The following PCDHGB2 variants were observed in gnomAD, a reference collection of about 807,000 sequenced individuals.
The protein encoded by PCDHGB2 is protocadherin gamma-B2.
PCDHGB2 carries 55 observed loss-of-function variants against 59.3 expected under a neutral mutation model. That is an observed-to-expected ratio of 0.93 (90% CI 0.75 to 1.16). The LOEUF (loss-of-function observed/expected upper bound fraction) is 1.16, where lower values mean the gene tolerates loss of function less well. Among genes scored for constraint, PCDHGB2 ranks in the 50% most tolerant of loss-of-function variants. The pLI is 0.00. For missense variants in PCDHGB2, 1,228 were observed against 1,198.5 expected (o/e 1.02, Z -0.36); for synonymous variants, 516 against 512.0 (o/e 1.01, Z -0.11).
chr5:141,385,870 A>G (rs2150302172), intron 1 of PCDHGB2: 1 of 153,178 alleles, frequency 6.5e-6, no homozygotes, highest in African/African-American at 2.4e-5. Flanking sequence ...AGAAGGTTGG[A>G]TTTATGCCTA....
At chr5:141,403,167 C>G (rs775617849) in intron 1 of PCDHGB2, 1 of 1,614,026 alleles carries the variant, frequency 6.2e-7, no homozygotes, top group Non-Finnish European at 8.5e-7. Flanking sequence ...AGAGGTAGGA[C>G]GCAGCTTTTC....
intron 1 of PCDHGB2, among the ~76,000 whole-genome samples, chr5:141,464,747 G>A (rs969116049): frequency 2.0e-5 from 3 of 151,812 alleles, no homozygotes; most frequent in Admixed American, 2.0e-4. Context: ...ATATCTTTTT[G>A]TTTTTTTAGA....
At chr5:141,428,070 T>G (rs756684090) in intron 1 of PCDHGB2, 7 of 1,609,106 alleles carry the variant, frequency 4.4e-6, no homozygotes, top group Non-Finnish European at 5.1e-6. Context: ...GGACGCAGAT[T>G]CGGGACACAA....
At chr5:141,390,207 C>T in intron 1 of PCDHGB2, 1 of 1,614,028 alleles carries the variant, frequency 6.2e-7, no homozygotes, top group Non-Finnish European at 8.5e-7. Flanking sequence ...GAGTTCAGGA[C>T]AAGACATACT....
rs530007628 is a variant in PCDHGB2 at position 141,376,702 on chromosome 5, C to T, written c.2421+14146C>T. 1,559 of 561,286 alleles carry T rather than the reference C, an allele frequency of 2.8e-3. 9 individuals carry two copies. The highest frequency in any genetic ancestry group is 3.4e-3 in the Non-Finnish European group (1,255 of 368,136). The allele number at this position is 561,286 out of a possible 1,614,324, so 34.8% of individuals were successfully genotyped here. On this transcript the variant is annotated intron_variant, in intron 1 of 3. Transcript: ENST00000522605. Reference sequence around the variant, plus strand: ...TTTTTTTTTTTTTTTTTTTTTGAGACGGAGTCTCGCTCTGTCGCCCAGGCC... The same window carrying T: ...TTTTTTTTTTTTTTTTTTTTTGAGATGGAGTCTCGCTCTGTCGCCCAGGCC...
At chr5:141,366,193 G>T (rs1192545271) in intron 1 of PCDHGB2, 2 of 1,613,934 alleles carry the variant, frequency 1.2e-6, no homozygotes, top group Admixed American at 3.3e-5. Flanking sequence ...CGGTTGGGCT[G>T]CACACGGGCG....
In PCDHGB2 at chr5:141,505,090, A is replaced by C. The variant is rs1018571873; in HGVS notation, c.2481-303A>C. Among the ~76,000 whole-genome samples the C allele has an allele frequency of 3.9e-5, 6 of 152,188 alleles. 1 individual carries two copies. The South Asian group carries it at 1.2e-3, about 31-fold the overall frequency. ...GGCAGGAGAATCGCTTGAACCCAGG[A>C]GGTGGATGTTGCAATGAGCCAAGAT... On this transcript the variant is annotated intron_variant, in intron 2 of 3. Transcript: ENST00000522605.
chr5:141,392,962 A>G, intron 1 of PCDHGB2: 1 of 1,613,902 alleles, frequency 6.2e-7, no homozygotes, highest in Admixed American at 1.7e-5. Context: ...AATATCTCCA[A>G]GGACCTGGGG....
chr5:141,380,009 C>T lies in PCDHGB2; in HGVS notation c.2421+17453C>T, dbSNP rs529470373. Among the ~76,000 whole-genome samples the T allele has an allele frequency of 3.4e-5, 5 of 149,132 alleles. No individual in the cohort carries two copies. The South Asian group carries it at 8.7e-4, about 26-fold the overall frequency. ...CCTCCTCCTGGGTTCAAGCGATTCT[C>T]CTGCCTCAGCCTCCCAAGTAGCTGG... On this transcript the variant is annotated intron_variant, in intron 1 of 3. Transcript: ENST00000522605.
At chr5:141,478,670 C>T (rs1413742587) in intron 1 of PCDHGB2, 28 of 1,551,664 alleles carry the variant, frequency 1.8e-5, no homozygotes, top group Non-Finnish European at 2.4e-5. Flanking sequence ...TTCACACTTT[C>T]AACTGGCCCT....
At chr5:141,484,468 C>T (rs2099596877) in intron 1 of PCDHGB2, among the ~76,000 whole-genome samples, 1 of 152,200 alleles carries the variant, frequency 6.6e-6, no homozygotes, top group South Asian at 2.1e-4. Context: ...ATGTGTAAGC[C>T]TTTTCTGCAA....
intron 1 of PCDHGB2, chr5:141,412,602 T>G (rs1239898248): frequency 6.6e-6 from 1 of 152,188 alleles, no homozygotes; most frequent in African/African-American, 2.4e-5. Flanking sequence ...CTAAATAAAA[T>G]TGGCCTATTC....
intron 1 of PCDHGB2, chr5:141,400,256 G>A (rs756430299): frequency 9.9e-6 from 16 of 1,613,986 alleles, no homozygotes; most frequent in Admixed American, 1.7e-5. Context: ...GTTGCCTTGC[G>A]CCTGCGACGC....
intron 1 of PCDHGB2, chr5:141,393,734 A>G (rs1453820640): frequency 1.9e-6 from 3 of 1,613,888 alleles, no homozygotes; most frequent in East Asian, 2.2e-5. Context: ...CAAAAAGTCT[A>G]GATTATGAAG....
In PCDHGB2 at chr5:141,361,413, C is replaced by CG. The variant is rs1007927822; in HGVS notation, c.1283dup (p.Lys429GlnfsTer20). ...ACAATCTCACCATCACAGCCACCGA[C>CG]GGGGGCAAGCCGCCCCTCTCCTCCA... On this transcript the variant is annotated frameshift_variant, in exon 1 of 4. Coordinates refer to ENST00000522605, the MANE Select transcript of PCDHGB2 (RefSeq NM_018923.3). LOFTEE classifies it high-confidence loss of function. 1 of 1,614,020 alleles carries CG rather than the reference C, an allele frequency of 6.2e-7. No individual in the cohort carries two copies.
chr5:141,458,249 GCT>G (rs1291613361), intron 1 of PCDHGB2, among the ~76,000 whole-genome samples: 1 of 152,136 alleles, frequency 6.6e-6, no homozygotes, highest in African/African-American at 2.4e-5. Flanking sequence ...AAATGATACG[GCT>G]CTGATGAGTG....
intron 2 of PCDHGB2, among the ~76,000 whole-genome samples, chr5:141,502,537 G>A (rs900570745): frequency 2.0e-5 from 3 of 152,042 alleles, no homozygotes; most frequent in Admixed American, 6.6e-5. Context: ...GTTTGTTCGT[G>A]TGGTAAAAAC....
intron 1 of PCDHGB2, chr5:141,413,602 G>A (rs1561743581): frequency 6.2e-7 from 1 of 1,613,860 alleles, no homozygotes; most frequent in Non-Finnish European, 8.5e-7. Flanking sequence ...AGAAAATCTA[G>A]ACGTAAAAAT....
At chr5:141,392,649 C>T in intron 1 of PCDHGB2, 1 of 703,200 alleles carries the variant, frequency 1.4e-6, no homozygotes, top group South Asian at 2.2e-5. Flanking sequence ...CACGAAGACC[C>T]GCAGATGCCA....
Sources: gnomAD v4.1 joint callset for allele counts (sites outside exome capture counted in the v4.1 genomes callset) on GRCh38, gnomAD v4.1.1 for gene constraint, MANE v1.5 for transcripts, NCBI Gene and HGNC (gene_info 2026-07-23, HGNC 2026-07-21) for gene names.